The following SORCS1 variants were observed in gnomAD, a reference collection of about 807,000 sequenced individuals.
SORCS1 encodes the protein VPS10 domain-containing receptor SorCS1.
In SORCS1, 60 loss-of-function variants were observed where a neutral mutation model predicts 146.1. That is an observed-to-expected ratio of 0.41 (90% CI 0.33 to 0.51). The LOEUF (loss-of-function observed/expected upper bound fraction) is 0.51, where lower values mean the gene tolerates loss of function less well. Among genes scored for constraint, SORCS1 ranks in the 20% least tolerant of loss-of-function variants. The probability of loss-of-function intolerance (pLI) is 0.21; values close to 1 mark genes in which losing one functional copy is unlikely to be tolerated. For missense variants in SORCS1, 1,352 were observed against 1,487.6 expected, an observed-to-expected ratio of 0.91 and a Z score of 1.50; for synonymous variants, 637 against 584.0, an observed-to-expected ratio of 1.09 and a Z score of -1.31.
intron 1 of SORCS1, among the ~76,000 whole-genome samples, chr10:107,072,446 G>A (rs907387569): frequency 1.8e-4 from 27 of 152,100 alleles, no homozygotes; most frequent in African/African-American, 6.0e-4. Flanking sequence ...CACCTGCACT[G>A]AGCACTCCCT....
intron 1 of SORCS1, among the ~76,000 whole-genome samples, chr10:107,009,212 C>T (rs1015256828): frequency 2.0e-5 from 3 of 152,124 alleles, no homozygotes; most frequent in African/African-American, 7.2e-5. Context: ...GTTGAAAAAG[C>T]AACAACAGGA....
intron 5 of SORCS1, among the ~76,000 whole-genome samples, chr10:106,734,896 G>C (rs912409989): frequency 6.6e-6 from 1 of 152,066 alleles, no homozygotes; most frequent in Admixed American, 6.6e-5. Context: ...TTGACCAGGC[G>C]TGGTGGCTCA....
intron 1 of SORCS1, among the ~76,000 whole-genome samples, chr10:107,091,410 T>C (rs1320350589): frequency 2.6e-5 from 4 of 152,258 alleles, no homozygotes; most frequent in Non-Finnish European, 5.9e-5. Flanking sequence ...TGTGGTCATA[T>C]AAACAGGAGG....
At chr10:106,999,497 C>T (rs539785037) in intron 1 of SORCS1, among the ~76,000 whole-genome samples, 4 of 152,290 alleles carry the variant, frequency 2.6e-5, no homozygotes, top group South Asian at 2.1e-4. Flanking sequence ...TTTAAGAAAA[C>T]GTGCTTAGTC....
intron 1 of SORCS1, among the ~76,000 whole-genome samples, chr10:107,151,097 G>A (rs746023589): frequency 2.0e-5 from 3 of 152,192 alleles, no homozygotes; most frequent in Non-Finnish European, 4.4e-5. Flanking sequence ...AAGAAGACAG[G>A]AGGATGTTAG....
intron 3 of SORCS1, among the ~76,000 whole-genome samples, chr10:106,826,253 C>T (rs570303032): frequency 2.6e-5 from 4 of 152,338 alleles, no homozygotes; most frequent in African/African-American, 9.6e-5. Context: ...CTGATGTTGT[C>T]AGTTTTATTC....
At chr10:106,623,937 GC>G (rs1465480105) in intron 19 of SORCS1, among the ~76,000 whole-genome samples, 116 of 152,006 alleles carry the variant, frequency 7.6e-4, no homozygotes, top group Middle Eastern at 3.4e-3. Context: ...ACCCACCTCG[GC>G]CCCCCCAAAG....
chr10:106,590,254 C>T (rs974918663), intron 24 of SORCS1, among the ~76,000 whole-genome samples: 4 of 152,252 alleles, frequency 2.6e-5, no homozygotes, highest in African/African-American at 9.6e-5. Flanking sequence ...TTTACTGAAT[C>T]TTCTGCATAG....
intron 1 of SORCS1, among the ~76,000 whole-genome samples, chr10:107,074,629 C>A (rs550301802): frequency 6.6e-6 from 1 of 152,278 alleles, no homozygotes; most frequent in East Asian, 1.9e-4. Context: ...AAACTGTTTT[C>A]CAAAGTGGTT....
intron 2 of SORCS1, among the ~76,000 whole-genome samples, chr10:106,852,438 G>A (rs1372829681): frequency 6.6e-6 from 1 of 151,886 alleles, no homozygotes; most frequent in Non-Finnish European, 1.5e-5. Context: ...GACCATCCTG[G>A]CCAACATGGT....
At chr10:106,657,480 C>G (rs56663696) in intron 17 of SORCS1, among the ~76,000 whole-genome samples, 37,197 of 151,614 alleles carry the variant, frequency 0.25, 5,658 homozygotes, top group East Asian at 0.52. Context: ...AGGAGGGTGA[C>G]AGAGAAAAAA....
intron 2 of SORCS1, among the ~76,000 whole-genome samples, chr10:106,919,868 G>A (rs1952623717): frequency 6.6e-6 from 1 of 152,148 alleles, no homozygotes; most frequent in Admixed American, 6.6e-5. Context: ...ATTCTTAAAA[G>A]GGTTCTAGTT....
At chr10:106,639,280 G>A (rs1848912625) in intron 18 of SORCS1, among the ~76,000 whole-genome samples, 1 of 152,198 alleles carries the variant, frequency 6.6e-6, no homozygotes, top group African/African-American at 2.4e-5. Flanking sequence ...CATTAGTATT[G>A]TTAGGGCCTC....
At chr10:106,737,427 A>C (rs1308919536) in intron 5 of SORCS1, among the ~76,000 whole-genome samples, 1 of 113,898 alleles carries the variant, frequency 8.8e-6, no homozygotes, top group African/African-American at 3.0e-5. Flanking sequence ...TTGTTTCTTA[A>C]ATAAATATTT....
At chr10:107,065,415 TTTTCTTTCTTTCTTTC>T (rs151043663) in intron 1 of SORCS1, among the ~76,000 whole-genome samples, 1 of 120,394 alleles carries the variant, frequency 8.3e-6, no homozygotes, top group Non-Finnish European at 1.6e-5. Flanking sequence ...TCTCTCTTTC[TTTTCTTTCTTTCTTTC>T]TTTCTTTCTT....
rs201700929 is a variant in SORCS1, at chr10:106,577,431, A to G, written c.3496T>C (p.Tyr1166His). 10 of 1,613,192 alleles carry G rather than the reference A, an allele frequency of 6.2e-6. No homozygotes were observed. In the African/African-American group the frequency reaches 1.2e-4, roughly 19 times the overall value. ...TPKRGSAGAQ[Y>H]AI ...TTTGGGGGTTTTCCTTAAATTGCAT[A>G]CTGTGCCCCAGCAGATCCCCGCTTT... Residue 1166 changes from tyrosine to histidine, a missense_variant, in exon 26 of 26, where the codon TAT (tyrosine) becomes CAT (histidine). Physicochemically the swap from Tyr to His is moderately conservative, Grantham distance 83. Coordinates refer to ENST00000263054, the MANE Select transcript of SORCS1 (RefSeq NM_052918.5).
At chr10:106,903,836 T>C (rs1951812701) in intron 2 of SORCS1, among the ~76,000 whole-genome samples, 1 of 152,262 alleles carries the variant, frequency 6.6e-6, no homozygotes, top group Non-Finnish European at 1.5e-5. Flanking sequence ...TCATAATTTA[T>C]GTCCATGCTT....
At chr10:106,731,559 C>A (rs1172201593) in intron 5 of SORCS1, among the ~76,000 whole-genome samples, 6 of 152,178 alleles carry the variant, frequency 3.9e-5, no homozygotes, top group Non-Finnish European at 8.8e-5. Context: ...AAAGTCACTT[C>A]CTCTGTTAAA....
intron 15 of SORCS1, among the ~76,000 whole-genome samples, chr10:106,671,869 C>T (rs572670812): frequency 3.9e-5 from 6 of 152,270 alleles, no homozygotes; most frequent in South Asian, 2.1e-4. Context: ...ACCAGACAAG[C>T]GAGAGAGCTA....
Sources: allele counts gnomAD v4.1 joint callset (sites outside exome capture counted in the v4.1 genomes callset), GRCh38; gene constraint gnomAD v4.1.1; transcripts MANE v1.5; gene names NCBI Gene and HGNC (gene_info 2026-07-23, HGNC 2026-07-21).